Variants in ZSCAN5A observed in about 807,000 individuals in gnomAD.
ZSCAN5A encodes the protein zinc finger and SCAN domain containing 5A.
ZSCAN5A carries 12 observed loss-of-function variants against 23.7 expected under a neutral mutation model. The observed-to-expected ratio is 0.51, with a 90% CI of 0.32 to 0.82. The LOEUF is 0.82. Ranked by LOEUF, ZSCAN5A falls within the 40% of genes least tolerant of loss-of-function variation. The pLI, the probability that ZSCAN5A is intolerant of heterozygous loss-of-function variation, is 0.03. For missense variants in ZSCAN5A, 597 were observed against 617.9 expected (o/e 0.97, Z 0.36); for synonymous variants, 257 against 239.9 (o/e 1.07, Z -0.66).
chr19:56,244,625 A>G (rs2035715762), intron 2 of ZSCAN5A, among the ~76,000 whole-genome samples: 1 of 148,386 alleles, frequency 6.7e-6, no homozygotes, highest in African/African-American at 2.6e-5. Flanking sequence ...GACGCTGCTA[A>G]GCATTCTCTA....
upstream of ZSCAN5A, among the ~76,000 whole-genome samples, chr19:56,316,993 C>G (rs1447245004): frequency 6.6e-6 from 1 of 152,144 alleles, no homozygotes; most frequent in Non-Finnish European, 1.5e-5. Context: ...CATGCCACCA[C>G]CTGCAGCTAA....
chr19:56,260,560 G>T (rs1175940503), intron 2 of ZSCAN5A, among the ~76,000 whole-genome samples: 1 of 151,276 alleles, frequency 6.6e-6, no homozygotes, highest in African/African-American at 2.4e-5. Flanking sequence ...TTTCCCTCTG[G>T]TGTTGAAACT....
intron 2 of ZSCAN5A, among the ~76,000 whole-genome samples, chr19:56,290,235 T>TA (rs1467651594): frequency 6.6e-6 from 1 of 152,210 alleles, no homozygotes; most frequent in Non-Finnish European, 1.5e-5. Context: ...ACTACTGAGA[T>TA]AAAGTAGGAC....
intron 2 of ZSCAN5A, chr19:56,299,695 A>G (rs2147240238): frequency 6.6e-6 from 1 of 152,324 alleles, no homozygotes; most frequent in South Asian, 2.1e-4. Flanking sequence ...AATCATCTCT[A>G]GATTACTTAT....
chr19:56,288,565 C>T (rs1053680690), intron 2 of ZSCAN5A, among the ~76,000 whole-genome samples: 4 of 152,188 alleles, frequency 2.6e-5, no homozygotes, highest in African/African-American at 7.2e-5. Context: ...TCTGTGAGCT[C>T]CCTGAGCAGC....
rs2041675218 is a variant in ZSCAN5A, at chr19:56,352,746, T to C, written c.-358+10489A>G. ...TAAGAGTGGAACATGGGAAATCTGATCAGGTATCAAGGATGGGGGGATTCT... is the reference window on the plus strand; with the variant it reads ...TAAGAGTGGAACATGGGAAATCTGACCAGGTATCAAGGATGGGGGGATTCT... On this transcript the variant is annotated intron_variant, in intron 2 of 6. Coordinates refer to the ZSCAN5A transcript ENST00000587340. The surrounding 1 kb of genome is among the most constrained non-coding windows in gnomAD (Gnocchi z 4.2). Among the ~76,000 whole-genome samples, 1 of 152,188 alleles carries C rather than the reference T, an allele frequency of 6.6e-6. No individual in the cohort carries two copies. The highest frequency in any genetic ancestry group is 1.5e-5 in the Non-Finnish European group (1 of 68,036).
chr19:56,236,604 G>T (rs1600044224), intron 2 of ZSCAN5A, among the ~76,000 whole-genome samples: 1 of 42,502 alleles, frequency 2.4e-5, no homozygotes, highest in Non-Finnish European at 5.1e-5. Context: ...TCTGATGGAC[G>T]GTGGGCCAAG....
chr19:56,300,028 T>C (rs901501423), intron 2 of ZSCAN5A: 3 of 152,196 alleles, frequency 2.0e-5, no homozygotes, highest in Admixed American at 6.5e-5. Context: ...TCATTTTTTA[T>C]AGATGTGATT....
chr19:56,302,581 C>CCGTTCCTCCCTCCCTCCCTT (rs1555807487), intron 2 of ZSCAN5A, among the ~76,000 whole-genome samples: 2 of 40,022 alleles, frequency 5.0e-5, no homozygotes, highest in South Asian at 1.2e-3. Flanking sequence ...TTCTTCCTCC[C>CCGTTCCTCCCTCCCTCCCTT]CCTTTTCTTC....
intron 2 of ZSCAN5A, among the ~76,000 whole-genome samples, chr19:56,262,680 C>T (rs1271706493): frequency 6.6e-6 from 1 of 152,138 alleles, no homozygotes; most frequent in Non-Finnish European, 1.5e-5. Flanking sequence ...AATCCACCCA[C>T]CACAGCCTCC....
At chr19:56,273,440 G>A (rs1324674303) in intron 2 of ZSCAN5A, among the ~76,000 whole-genome samples, 3 of 152,126 alleles carry the variant, frequency 2.0e-5, no homozygotes, top group East Asian at 1.9e-4. Context: ...TCTTTCCACG[G>A]GCTTGATGCT....
At chr19:56,318,199 T>C (rs991849969), upstream of ZSCAN5A, among the ~76,000 whole-genome samples, 7 of 152,146 alleles carry the variant, frequency 4.6e-5, no homozygotes, top group Non-Finnish European at 1.0e-4. Context: ...GTTCTGCATG[T>C]GTTTTAAAGG....
At chr19:56,273,592 A>C (rs1401393928) in intron 2 of ZSCAN5A, among the ~76,000 whole-genome samples, 1 of 152,186 alleles carries the variant, frequency 6.6e-6, no homozygotes, top group African/African-American at 2.4e-5. Context: ...CTGAAGAGTT[A>C]GGAGAGACTA....
intron 2 of ZSCAN5A, among the ~76,000 whole-genome samples, chr19:56,308,174 C>A (rs1212820088): frequency 6.6e-6 from 1 of 152,218 alleles, no homozygotes; most frequent in African/African-American, 2.4e-5. Context: ...GCTGGGACTA[C>A]AGGCGAGTGC....
chr19:56,315,202 G>T (rs1048585834), upstream of ZSCAN5A: 1 of 152,222 alleles, frequency 6.6e-6, no homozygotes, highest in Non-Finnish European at 1.5e-5. Context: ...GCGGGACCAG[G>T]GAAAAAGCAG....
At chr19:56,319,869 A>G (rs2041356898) in intron 2 of ZSCAN5A, 1 of 817,360 alleles carries the variant, frequency 1.2e-6, no homozygotes, top group Non-Finnish European at 2.2e-6. Flanking sequence ...CGGCTTCCAG[A>G]CACCCTTCCT....
intron 2 of ZSCAN5A, among the ~76,000 whole-genome samples, chr19:56,254,561 A>G (rs1743012758): frequency 6.6e-6 from 1 of 152,166 alleles, no homozygotes; most frequent in South Asian, 2.1e-4. Flanking sequence ...GTTGCAATGA[A>G]CATAGGAGTA....
chr19:56,348,520 T>C (rs908575554), intron 2 of ZSCAN5A, among the ~76,000 whole-genome samples: 7 of 152,164 alleles, frequency 4.6e-5, no homozygotes, highest in African/African-American at 1.7e-4. Flanking sequence ...GGATAAGCAG[T>C]AGTCACTCTC....
intron 2 of ZSCAN5A, among the ~76,000 whole-genome samples, chr19:56,333,856 AATATAT>A (rs149429244): frequency 1.3e-5 from 2 of 150,158 alleles, no homozygotes; most frequent in African/African-American, 2.4e-5. Flanking sequence ...GAAAAAGAAA[AATATAT>A]ATATATATAT....
Sources: allele counts gnomAD v4.1 joint callset (sites outside exome capture counted in the v4.1 genomes callset), GRCh38; gene constraint gnomAD v4.1.1; non-coding constraint Gnocchi (gnomAD v3.1); transcripts MANE v1.5; gene names NCBI Gene and HGNC (gene_info 2026-07-23, HGNC 2026-07-21).